The following KRT8 variants were observed in gnomAD, a reference collection of about 807,000 sequenced individuals.
KRT8 encodes keratin, type II cytoskeletal 8.
KRT8 carries 24 observed loss-of-function variants against 43.0 expected under a neutral mutation model. That is an observed-to-expected ratio of 0.56 (90% confidence interval 0.40 to 0.78). The LOEUF (loss-of-function observed/expected upper bound fraction) is 0.78. Among genes scored for constraint, KRT8 ranks in the 30% least tolerant of loss-of-function variants. The pLI, the probability that KRT8 is intolerant of heterozygous loss-of-function variation, is 0.00. For synonymous variants in KRT8, 214 were observed against 261.2 expected (o/e 0.82, Z 1.74); for missense variants, 492 against 638.4 (o/e 0.77, Z 2.47).
chr12:52,941,984 T>C (rs935624248), intron 2 of KRT8, among the ~76,000 whole-genome samples: 1 of 152,162 alleles, frequency 6.6e-6, no homozygotes, highest in African/African-American at 2.4e-5. Context: ...AATGAATTCT[T>C]CCTTTCTCTG....
At chr12:52,946,440 C>A (rs941671171) in intron 2 of KRT8, among the ~76,000 whole-genome samples, 3 of 152,142 alleles carry the variant, frequency 2.0e-5, no homozygotes, top group Admixed American at 6.6e-5. Flanking sequence ...ACAATTTACA[C>A]TCACATTCAC....
At chr12:52,900,171 G>C in intron 4 of KRT8, 106 bp from the exon 5 acceptor site, 1 of 1,139,218 alleles carries the variant, frequency 8.8e-7, no homozygotes, top group Non-Finnish European at 1.3e-6. Flanking sequence ...GCAGAGGAGA[G>C]GAGCAGGTGG....
At chr12:52,918,944 T>G (rs568279861) in intron 2 of KRT8, among the ~76,000 whole-genome samples, 1 of 152,310 alleles carries the variant, frequency 6.6e-6, no homozygotes, top group Middle Eastern at 3.4e-3. Flanking sequence ...CAGTGTCTGC[T>G]GCCTCTTCCC....
At chr12:52,900,428 A>G (rs1159125996) in intron 4 of KRT8, among the ~76,000 whole-genome samples, 160 bp downstream of exon 4, 1 of 152,188 alleles carries the variant, frequency 6.6e-6, no homozygotes, top group Admixed American at 6.5e-5. Context: ...TATAGACCCA[A>G]TAAATACTAG....
At chr12:52,926,542 G>A (rs1001269816) in intron 2 of KRT8, 2 of 1,254,380 alleles carry the variant, frequency 1.6e-6, no homozygotes, top group Non-Finnish European at 1.1e-6. Context: ...CACTCCTATA[G>A]AGACCCCAAG....
In KRT8 at chr12:52,926,544, G is replaced by A. The variant is rs528350224; in HGVS notation, c.-46-21517C>T. On this transcript the variant is annotated intron_variant, in intron 2 of 6. Coordinates refer to the KRT8 transcript ENST00000546826. ...TGCCGGAAGTGGCCACTCCTATAGA[G>A]ACCCCAAGAATAGGGCTTTGTTACA... 3 of 1,249,818 alleles carry A rather than the reference G, an allele frequency of 2.4e-6. No homozygotes were observed. The East Asian group carries it at 7.6e-5, about 32-fold the overall frequency. 77.4% of individuals were successfully genotyped at this position (1,249,818 alleles called of 1,614,324 possible). A position where few individuals can be genotyped will look rare whatever the true frequency, so the allele number is the denominator to read the frequency against.
In KRT8 at chr12:52,901,853, G is replaced by A; in HGVS notation, c.533+11C>T. ...GTGACTTCAGTTGGGTGGAGGGTGG[G>A]AGTTGCTCACTTGTTCTTGAAGTCC... On this transcript the variant is annotated intron_variant, in intron 2 of 7. Coordinates refer to ENST00000692008, the Ensembl canonical transcript of KRT8. 1 of 1,589,550 alleles carries A rather than the reference G, an allele frequency of 6.3e-7. No homozygotes were observed. Among genetic ancestry groups the A allele is most frequent in the Non-Finnish European group, 8.6e-7 (1 of 1,159,352 alleles).
chr12:52,911,048 C>T (rs1490833423), upstream of KRT8, among the ~76,000 whole-genome samples: 1 of 152,110 alleles, frequency 6.6e-6, no homozygotes, highest in Admixed American at 6.5e-5. Flanking sequence ...TCCTGAAAGT[C>T]CCTGTTGAGA....
chr12:52,933,318 A>G (rs1354974349), intron 2 of KRT8, among the ~76,000 whole-genome samples: 1 of 152,242 alleles, frequency 6.6e-6, no homozygotes, highest in Non-Finnish European at 1.5e-5. Context: ...ATTATTTACA[A>G]TCAGATTTAA....
intron 5 of KRT8, 138 bp from the exon 6 acceptor site, chr12:52,899,037 G>A (rs990090080): frequency 1.8e-5 from 14 of 765,560 alleles, no homozygotes; most frequent in African/African-American, 6.9e-5. Context: ...ACTAAGGGCC[G>A]GGCACAGTGG....
intron 2 of KRT8, chr12:52,901,587 T>C: frequency 1.7e-6 from 1 of 573,546 alleles, no homozygotes; most frequent in Non-Finnish European, 3.1e-6. Flanking sequence ...AGGCTGCCTA[T>C]CTCTCCCGTC....
intron 2 of KRT8, among the ~76,000 whole-genome samples, chr12:52,935,363 A>C: frequency 8.4e-6 from 1 of 119,392 alleles, no homozygotes; most frequent in South Asian, 3.0e-4. Context: ...TGGGTGACAG[A>C]GCAAGACTCT....
intron 2 of KRT8, among the ~76,000 whole-genome samples, chr12:52,943,450 C>T (rs975634331): frequency 1.3e-5 from 2 of 152,054 alleles, no homozygotes; most frequent in African/African-American, 4.8e-5. Flanking sequence ...AGATCTAGGC[C>T]TTCTCCTCTT....
At chr12:52,906,510 G>T (rs955463255), upstream of KRT8, 1 of 357,350 alleles carries the variant, frequency 2.8e-6, no homozygotes, top group South Asian at 2.1e-5. Flanking sequence ...AGGTTGGGAC[G>T]TAGCACGCAC....
At chr12:52,907,009 CA>C, upstream of KRT8, 190 of 288,052 alleles carry the variant, frequency 6.6e-4, no homozygotes, top group South Asian at 2.0e-3. Flanking sequence ...CACACACACA[CA>C]CACCCCACAC....
chr12:52,949,023 G>T (rs905598458), intron 2 of KRT8: 4 of 700,198 alleles, frequency 5.7e-6, no homozygotes, highest in Non-Finnish European at 9.6e-6. Context: ...CGCGGGCTCC[G>T]AGCCGTCCAC....
chr12:52,944,834 C>G (rs932080649), intron 2 of KRT8, among the ~76,000 whole-genome samples: 5 of 152,188 alleles, frequency 3.3e-5, no homozygotes, highest in African/African-American at 9.7e-5. Context: ...GTTCCCACCT[C>G]CACAGGCAGT....
chr12:52,932,473 T>C (rs1942100267), intron 2 of KRT8, among the ~76,000 whole-genome samples: 2 of 152,140 alleles, frequency 1.3e-5, no homozygotes, highest in South Asian at 4.1e-4. Context: ...CTTCTTTGTG[T>C]TTGTTTTTTT....
intron 2 of KRT8, among the ~76,000 whole-genome samples, chr12:52,923,547 G>A (rs533537727): frequency 1.8e-4 from 27 of 152,148 alleles, no homozygotes; most frequent in African/African-American, 5.3e-4. Context: ...AGCCTCCCGA[G>A]TAGCTGGGAC....
Sources: allele counts gnomAD v4.1 joint callset (sites outside exome capture counted in the v4.1 genomes callset), GRCh38; gene constraint gnomAD v4.1.1; transcripts MANE v1.5; gene names NCBI Gene and HGNC (gene_info 2026-07-23, HGNC 2026-07-21).